The following TMEM117 variants were observed in gnomAD, a reference collection of about 807,000 sequenced individuals.
TMEM117 encodes the protein transmembrane protein 117.
Under a neutral mutation model 52.4 loss-of-function variants are expected in TMEM117, and 27 were observed. The observed-to-expected ratio is 0.51, with a 90% CI of 0.38 to 0.71. The LOEUF is 0.71. TMEM117 is among the 30% of genes least tolerant of loss of function. The probability of loss-of-function intolerance (pLI) is 0.00; values close to 1 mark genes in which losing one functional copy is unlikely to be tolerated. For synonymous variants in TMEM117, 215 were observed against 206.3 expected, an observed-to-expected ratio of 1.04 and a Z score of -0.36; for missense variants, 556 against 630.5, an observed-to-expected ratio of 0.88 and a Z score of 1.26.
chr12:43,844,769 A>G lies in TMEM117; in HGVS notation c.118A>G (p.Thr40Ala). 6.2e-7 allele frequency: 1 copy of G among 1,614,164 alleles called. No homozygotes were observed. Among genetic ancestry groups the G allele is most frequent in the Non-Finnish European group, 8.5e-7 (1 of 1,180,026 alleles). ...GGAGGACCCAGTTTCTCATAGCCAA[A>G]CAGAAGCCAATGTTATTGTTGTTGG... Reference protein sequence around the residue: ...FAEDPVSHSQTEANVIVVGNC... With the variant: ...FAEDPVSHSQAEANVIVVGNC... The change falls in exon 2 of 8, where the codon ACA (threonine) becomes GCA (alanine). Residue 40 changes from threonine to alanine, a missense_variant. Physicochemically the swap from Thr to Ala is moderately conservative, Grantham distance 58 (BLOSUM62 0). Around this residue, in one of 3 missense-constraint regions of TMEM117, gnomAD observed 328 missense variants for 371.4 expected, o/e 0.88. Transcript: ENST00000266534.
chr12:44,168,274 TC>T (rs1204242670), intron 4 of TMEM117, among the ~76,000 whole-genome samples: 1 of 150,434 alleles, frequency 6.6e-6, no homozygotes, highest in Non-Finnish European at 1.5e-5. Context: ...AAGAGAAAAA[TC>T]CTGGATCTGT....
chr12:43,865,236 A>G (rs1943569412), intron 2 of TMEM117, among the ~76,000 whole-genome samples: 1 of 152,210 alleles, frequency 6.6e-6, no homozygotes, highest in Non-Finnish European at 1.5e-5. Flanking sequence ...TGTCTACTGC[A>G]GTAAAGACAG....
chr12:44,122,834 T>C (rs1029144889), intron 3 of TMEM117, among the ~76,000 whole-genome samples: 2 of 152,214 alleles, frequency 1.3e-5, no homozygotes, highest in African/African-American at 4.8e-5. Context: ...TTTAGGTTGA[T>C]TCCCTGTCTG....
chr12:44,291,473 T>C (rs1464042214), intron 5 of TMEM117, among the ~76,000 whole-genome samples: 1 of 151,626 alleles, frequency 6.6e-6, no homozygotes, highest in East Asian at 1.9e-4. Context: ...CCTTTCTGAT[T>C]TGGATATCTT....
At chr12:43,795,934 T>A in the TMEM117 span, among the ~76,000 whole-genome samples, 1 of 152,234 alleles carries the variant, frequency 6.6e-6, no homozygotes, top group Non-Finnish European at 1.5e-5. Context: ...TACTTGAATA[T>A]ATAATCAGCT....
chr12:44,307,727 T>G (rs1189428758), intron 6 of TMEM117, among the ~76,000 whole-genome samples: 2 of 152,164 alleles, frequency 1.3e-5, no homozygotes, highest in Non-Finnish European at 2.9e-5. Flanking sequence ...CTCCAAATAG[T>G]AGACAGACTT....
intron 4 of TMEM117, among the ~76,000 whole-genome samples, chr12:44,172,860 G>A (rs1250847820): frequency 6.6e-6 from 1 of 151,986 alleles, no homozygotes; most frequent in Non-Finnish European, 1.5e-5. Context: ...GAGTAGCTAG[G>A]ATTACAGGTG....
chr12:43,892,570 T>G (rs1944126824), intron 2 of TMEM117, among the ~76,000 whole-genome samples: 1 of 152,234 alleles, frequency 6.6e-6, no homozygotes, highest in South Asian at 2.1e-4. Context: ...CAGGCTTTTC[T>G]AAGGACAGCA....
the TMEM117 span, among the ~76,000 whole-genome samples, chr12:43,816,662 C>G: frequency 6.6e-6 from 1 of 152,186 alleles, no homozygotes; most frequent in Admixed American, 6.5e-5. Context: ...AGATACTTAG[C>G]CATCATATGC....
rs1952142782 is a variant in TMEM117 at position 44,389,481 on chromosome 12, C to T, written c.*809C>T. 6.6e-6 allele frequency: 1 copy of T among 152,520 alleles called. No homozygotes were observed. The highest frequency in any genetic ancestry group is 2.1e-4 in the South Asian group (1 of 4,830). The allele number at this position is 152,520 out of a possible 1,614,324, so 9.4% of individuals were successfully genotyped here. ...GGCATTTACACAAAGTCCCAGACAA[C>T]CAAGGAACTGAAGTTTTCATCATAT... On this transcript the variant is annotated 3_prime_UTR_variant, in exon 8 of 8. Transcript: ENST00000266534.
intron 6 of TMEM117, among the ~76,000 whole-genome samples, chr12:44,345,722 C>A (rs1951477464): frequency 6.6e-6 from 1 of 152,096 alleles, no homozygotes; most frequent in South Asian, 2.1e-4. Context: ...GTCAACGTAT[C>A]ATTGTTATTT....
intron 7 of TMEM117, among the ~76,000 whole-genome samples, chr12:44,384,979 A>C (rs997510359): frequency 1.3e-5 from 2 of 152,208 alleles, no homozygotes; most frequent in African/African-American, 4.8e-5. Context: ...GATTCTATAC[A>C]CGACCAATAA....
chr12:44,346,643 G>A (rs935714067), intron 6 of TMEM117, among the ~76,000 whole-genome samples: 2 of 152,096 alleles, frequency 1.3e-5, no homozygotes, highest in African/African-American at 4.8e-5. Flanking sequence ...CCCAGACTGT[G>A]TCACTTCAGC....
chr12:43,977,237 CT>C (rs1241167181), intron 3 of TMEM117, among the ~76,000 whole-genome samples: 3 of 152,170 alleles, frequency 2.0e-5, no homozygotes, highest in Admixed American at 6.5e-5. Flanking sequence ...ACTCAGCCTC[CT>C]GAGTTGTCTT....
intron 3 of TMEM117, among the ~76,000 whole-genome samples, chr12:44,136,016 C>T (rs1565843300): frequency 6.6e-6 from 1 of 152,126 alleles, no homozygotes; most frequent in Non-Finnish European, 1.5e-5. Flanking sequence ...TAATGAATGC[C>T]ATTCTGGCTT....
chr12:43,967,885 G>A (rs11182353), intron 3 of TMEM117, among the ~76,000 whole-genome samples: 1 of 152,178 alleles, frequency 6.6e-6, no homozygotes, highest in Non-Finnish European at 1.5e-5. Context: ...AGAAACATGC[G>A]TGTGCGTGTG....
At chr12:43,925,995 A>C (rs1426310046) in intron 2 of TMEM117, among the ~76,000 whole-genome samples, 1 of 152,226 alleles carries the variant, frequency 6.6e-6, no homozygotes, top group African/African-American at 2.4e-5. Context: ...GAACATATTA[A>C]ACATACATAT....
At chr12:44,017,991 C>G (rs1323082350) in intron 3 of TMEM117, among the ~76,000 whole-genome samples, 1 of 151,782 alleles carries the variant, frequency 6.6e-6, no homozygotes, top group Non-Finnish European at 1.5e-5. Context: ...AGTAATTAAC[C>G]ACTGTTATTT....
At chr12:43,872,193 A>C (rs932902386) in intron 2 of TMEM117, among the ~76,000 whole-genome samples, 5 of 152,198 alleles carry the variant, frequency 3.3e-5, no homozygotes, top group Non-Finnish European at 5.9e-5. Context: ...GATGTGACTA[A>C]GGCATTTCAA....
Sources: allele counts gnomAD v4.1 joint callset (sites outside exome capture counted in the v4.1 genomes callset), GRCh38; gene constraint gnomAD v4.1.1; regional missense constraint gnomAD v4.1.1; transcripts MANE v1.5; gene names NCBI Gene and HGNC (gene_info 2026-07-23, HGNC 2026-07-21).